The following DNAJC17 variants were observed in gnomAD, a reference collection of about 807,000 sequenced individuals.
DNAJC17 encodes the protein dnaJ homolog subfamily C member 17.
In DNAJC17, 35 loss-of-function variants were observed where a neutral mutation model predicts 48.1. The ratio of observed to expected loss-of-function variants is 0.73; its 90% confidence interval spans 0.56 to 0.96. The LOEUF (loss-of-function observed/expected upper bound fraction) is 0.96, where lower values mean the gene tolerates loss of function less well. Among genes scored for constraint, DNAJC17 ranks in the 50% least tolerant of loss-of-function variants. The pLI, the probability that DNAJC17 is intolerant of heterozygous loss-of-function variation, is 0.00. For synonymous variants in DNAJC17, 117 were observed against 142.7 expected, an observed-to-expected ratio of 0.82 and a Z score of 1.28; for missense variants, 355 against 377.1, an observed-to-expected ratio of 0.94 and a Z score of 0.48.
In DNAJC17 at chr15:40,779,563, C is replaced by T. The variant is rs1474263206; in HGVS notation, c.189G>A (p.Leu63=). ...FHQLSQALEV[L]TDAAARAAYD... is the part of the protein sequence containing the mutation. The stretch of plus-strand genomic sequence containing the variant: ...TGCTTACCCTGGCTGCAGCATCGGT[C>T]AGCACCTCCAAGGCCTGAGAAAGCT... The change falls in exon 3 of 11, where the codon CTG becomes CTA. Residue 63 remains leucine (L), a synonymous_variant. Transcript: ENST00000220496. The T allele has an allele frequency of 6.2e-7, 1 of 1,613,910 alleles. No individual in the cohort carries two copies. The highest frequency in any genetic ancestry group is 1.3e-5 in the African/African-American group (1 of 74,864).
chr15:40,795,787 G>A (rs2141961259), intron 1 of DNAJC17, among the ~76,000 whole-genome samples: 1 of 152,270 alleles, frequency 6.6e-6, no homozygotes, highest in Admixed American at 6.5e-5. Context: ...CCCAGGTTGT[G>A]AGGCTGAGGC....
chr15:40,792,661 T>C (rs1170362187), intron 1 of DNAJC17: 1 of 291,036 alleles, frequency 3.4e-6, no homozygotes, highest in African/African-American at 2.3e-5. Flanking sequence ...CAAAATATTT[T>C]TCTAAAAATT....
chr15:40,783,884 G>C (rs901217081), intron 1 of DNAJC17, among the ~76,000 whole-genome samples: 2 of 152,048 alleles, frequency 1.3e-5, no homozygotes, highest in Non-Finnish European at 2.9e-5. Flanking sequence ...ATAAAAGTTT[G>C]TATGTTCCTT....
intron 1 of DNAJC17, among the ~76,000 whole-genome samples, chr15:40,800,954 T>C (rs1890060319): frequency 8.9e-6 from 1 of 112,186 alleles, no homozygotes; most frequent in East Asian, 2.3e-4. Context: ...AGACTCCGTC[T>C]CAAAAAAAAA....
chr15:40,780,277 C>T (rs1327519672), intron 1 of DNAJC17: 3 of 596,302 alleles, frequency 5.0e-6, no homozygotes, highest in Non-Finnish European at 9.4e-6. Context: ...GAGCACAGTA[C>T]CCCGCTTTCT....
In DNAJC17 at chr15:40,765,838, C is replaced by A. The variant is rs748471931; in HGVS notation, c.*2102G>T. The A allele has an allele frequency of 3.8e-6, 6 of 1,569,090 alleles. No individual in the cohort carries two copies. In the African/African-American group the frequency reaches 6.8e-5, roughly 18 times the overall value. ...GGCTTACCTTGCAGGAGGTGGGCCC[C>A]ACTATGGTGGGCGATGAACAGTCGG... On this transcript the variant is annotated 3_prime_UTR_variant, in exon 11 of 11. Coordinates refer to ENST00000220496, the MANE Select transcript of DNAJC17 (RefSeq NM_018163.3).
At chr15:40,784,019 G>C (rs1889574618) in intron 1 of DNAJC17, among the ~76,000 whole-genome samples, 1 of 151,756 alleles carries the variant, frequency 6.6e-6, no homozygotes. Context: ...TTGAGGTCAG[G>C]AATTCGAGAC....
At position 40,768,924 on chromosome 15, in the gene DNAJC17, C is replaced by A. The variant is rs142284915; in HGVS notation, c.793-862G>T. Among the ~76,000 whole-genome samples, 457 of 152,366 alleles carry A rather than the reference C, an allele frequency of 3.0e-3. 3 individuals carry two copies. The highest frequency in any genetic ancestry group is 0.011 in the African/African-American group (441 of 41,582). ...AGGGATTGCAAGATGCGGTGGCCTGCCCGTAGCAGAGAGCTGTGGGGCCCT... is the reference window on the plus strand; with the variant it reads ...AGGGATTGCAAGATGCGGTGGCCTGACCGTAGCAGAGAGCTGTGGGGCCCT... On this transcript the variant is annotated intron_variant, in intron 10 of 10. Transcript: ENST00000220496.
At chr15:40,797,423 T>C (rs191346890) in intron 1 of DNAJC17, among the ~76,000 whole-genome samples, 164 of 152,150 alleles carry the variant, frequency 1.1e-3, no homozygotes, top group African/African-American at 3.8e-3. Flanking sequence ...CTTTCTTTTT[T>C]TTTTTTTGAG....
intron 1 of DNAJC17, among the ~76,000 whole-genome samples, chr15:40,805,167 G>A (rs1208742929): frequency 2.0e-5 from 3 of 151,832 alleles, no homozygotes; most frequent in Non-Finnish European, 4.4e-5. Context: ...CACGAGGTCA[G>A]GAATCCAAGA....
intron 1 of DNAJC17, among the ~76,000 whole-genome samples, chr15:40,780,841 A>C (rs886990840): frequency 6.8e-6 from 1 of 147,862 alleles, no homozygotes; most frequent in East Asian, 2.1e-4. Context: ...TAAAATAAAA[A>C]ATAAAATAAA....
intron 1 of DNAJC17, among the ~76,000 whole-genome samples, chr15:40,803,310 G>A (rs1890120934): frequency 6.6e-6 from 1 of 152,198 alleles, no homozygotes; most frequent in African/African-American, 2.4e-5. Context: ...CCTCTAGGTT[G>A]CCCTATGGCA....
chr15:40,793,138 C>A (rs978912795), intron 1 of DNAJC17, among the ~76,000 whole-genome samples: 1 of 148,598 alleles, frequency 6.7e-6, no homozygotes, highest in African/African-American at 2.5e-5. Context: ...CGTGATCTGC[C>A]CGCCTCGGCC....
intron 1 of DNAJC17, among the ~76,000 whole-genome samples, chr15:40,781,570 A>G (rs1308259507): frequency 6.6e-6 from 1 of 152,104 alleles, no homozygotes; most frequent in African/African-American, 2.4e-5. Context: ...AATTTTTTTT[A>G]AATAAAATAT....
rs562997741 is a variant in DNAJC17, at chr15:40,779,135, G to A, written c.295+88C>T. The A allele has an allele frequency of 2.2e-6, 3 of 1,354,054 alleles. No homozygotes were observed. The East Asian group carries it at 6.9e-5, about 31-fold the overall frequency. The allele number at this position is 1,354,054 out of a possible 1,614,324, so 83.9% of individuals were successfully genotyped here. On this transcript the variant is annotated intron_variant, in intron 4 of 10. Coordinates refer to ENST00000220496, the MANE Select transcript of DNAJC17 (RefSeq NM_018163.3). ...CCTGAGCCAAAAGGCTTTGAGATGAGTTGCTGGAAGTGAAGCTTCAGGTGA... is the reference window on the plus strand; with the variant it reads ...CCTGAGCCAAAAGGCTTTGAGATGAATTGCTGGAAGTGAAGCTTCAGGTGA...
At chr15:40,782,499 T>C (rs1157277895) in intron 1 of DNAJC17, among the ~76,000 whole-genome samples, 1 of 152,150 alleles carries the variant, frequency 6.6e-6, no homozygotes, top group South Asian at 2.1e-4. Context: ...CTCTTTCGTG[T>C]GCTACCTAAT....
intron 1 of DNAJC17, among the ~76,000 whole-genome samples, chr15:40,781,550 C>T (rs968055775): frequency 3.9e-5 from 6 of 152,020 alleles, no homozygotes; most frequent in Admixed American, 6.5e-5. Flanking sequence ...GAATTTGCCA[C>T]GCTTATTAAA....
intron 8 of DNAJC17, 61 bp from the exon 9 acceptor site, chr15:40,774,497 C>A: frequency 6.3e-7 from 1 of 1,590,348 alleles, no homozygotes; most frequent in Non-Finnish European, 8.6e-7. Flanking sequence ...CCAGGTCATG[C>A]CAGAGACAAG....
intron 1 of DNAJC17, among the ~76,000 whole-genome samples, chr15:40,787,628 G>T (rs1308926725): frequency 2.0e-5 from 3 of 152,104 alleles, no homozygotes; most frequent in Non-Finnish European, 2.9e-5. Flanking sequence ...CAGCCACCCA[G>T]CCCTTCCCCG....
Sources: gnomAD v4.1 joint callset for allele counts (sites outside exome capture counted in the v4.1 genomes callset) on GRCh38, gnomAD v4.1.1 for gene constraint, MANE v1.5 for transcripts, NCBI Gene and HGNC (gene_info 2026-07-23, HGNC 2026-07-21) for gene names.